Variants in PCBP3 observed in about 807,000 individuals in gnomAD.
PCBP3 encodes the protein poly(rC)-binding protein 3.
Under a neutral mutation model 52.7 loss-of-function variants are expected in PCBP3, and 25 were observed. The observed-to-expected ratio is 0.47, with a 90% CI of 0.35 to 0.66. PCBP3 has a LOEUF of 0.66. PCBP3 is among the 30% of genes least tolerant of loss of function. The pLI, the probability that PCBP3 is intolerant of heterozygous loss-of-function variation, is 0.01. For missense variants in PCBP3, 391 were observed against 490.3 expected, an observed-to-expected ratio of 0.80 and a Z score of 1.91; for synonymous variants, 162 against 183.0, an observed-to-expected ratio of 0.89 and a Z score of 0.93.
At chr21:45,909,073 C>T (rs896662745) in intron 9 of PCBP3, among the ~76,000 whole-genome samples, 1 of 152,100 alleles carries the variant, frequency 6.6e-6, no homozygotes, top group East Asian at 1.9e-4. Context: ...GTCCACACCC[C>T]CTTCCCACCA....
chr21:45,787,517 A>C (rs939336347), intron 4 of PCBP3, among the ~76,000 whole-genome samples: 10 of 151,704 alleles, frequency 6.6e-5, no homozygotes, highest in African/African-American at 2.4e-4. Flanking sequence ...CTGGCCCCCC[A>C]CAGTGCTGGG....
intron 2 of PCBP3, among the ~76,000 whole-genome samples, chr21:45,693,923 T>C (rs528723928): frequency 7.9e-4 from 121 of 152,252 alleles, no homozygotes; most frequent in African/African-American, 2.7e-3. Context: ...TAATGTCATA[T>C]TGAATCTATA....
intron 2 of PCBP3, among the ~76,000 whole-genome samples, chr21:45,712,369 G>A (rs1052975296): frequency 1.3e-5 from 2 of 152,182 alleles, no homozygotes; most frequent in African/African-American, 2.4e-5. Flanking sequence ...TCCACCAGCC[G>A]TGAATGAGAT....
At chr21:45,711,305 T>C (rs2083820487) in intron 2 of PCBP3, among the ~76,000 whole-genome samples, 1 of 152,224 alleles carries the variant, frequency 6.6e-6, no homozygotes, top group South Asian at 2.1e-4. Flanking sequence ...CATCTGTATC[T>C]TTCTTGAGCT....
At chr21:45,795,968 A>T (rs1472707477) in intron 4 of PCBP3, among the ~76,000 whole-genome samples, 1 of 152,230 alleles carries the variant, frequency 6.6e-6, no homozygotes, top group Non-Finnish European at 1.5e-5. Flanking sequence ...CTAAGTGAAC[A>T]GTTTTCTACA....
chr21:45,738,679 G>A (rs1402023269), intron 3 of PCBP3, among the ~76,000 whole-genome samples: 3 of 152,174 alleles, frequency 2.0e-5, no homozygotes, highest in Admixed American at 6.5e-5. Context: ...TCAGGGGATT[G>A]TCCTCACCCC....
At chr21:45,847,530 T>C (rs2093842045) in intron 4 of PCBP3, among the ~76,000 whole-genome samples, 1 of 152,238 alleles carries the variant, frequency 6.6e-6, no homozygotes, top group African/African-American at 2.4e-5. Flanking sequence ...CAGTGTTCAT[T>C]GAGTTCTTAG....
At chr21:45,867,788 C>T (rs983248417) in intron 5 of PCBP3, among the ~76,000 whole-genome samples, 4 of 152,284 alleles carry the variant, frequency 2.6e-5, no homozygotes, top group Non-Finnish European at 5.9e-5. Flanking sequence ...GTCTTCCTTC[C>T]TCAGCCCCAC....
At chr21:45,662,553 A>G (rs763477114) in intron 1 of PCBP3, among the ~76,000 whole-genome samples, 15 of 151,978 alleles carry the variant, frequency 9.9e-5, no homozygotes, top group South Asian at 4.1e-4. Flanking sequence ...CAGTATAATA[A>G]AATATATAAA....
chr21:45,832,506 T>G (rs2093476393), intron 4 of PCBP3: 1 of 152,164 alleles, frequency 6.6e-6, no homozygotes, highest in African/African-American at 2.4e-5. Context: ...TGTCAGAACT[T>G]CAGCTTTGGG....
intron 4 of PCBP3, among the ~76,000 whole-genome samples, chr21:45,820,051 G>A (rs185211950): frequency 4.6e-5 from 7 of 152,348 alleles, no homozygotes; most frequent in South Asian, 2.1e-4. Flanking sequence ...GGACTGTTGC[G>A]GGTCTTCCCT....
intron 4 of PCBP3, among the ~76,000 whole-genome samples, chr21:45,803,522 G>A (rs2092384812): frequency 6.6e-6 from 1 of 152,148 alleles, no homozygotes; most frequent in South Asian, 2.1e-4. Context: ...GAATCCTGCA[G>A]TCTGTTGTTA....
chr21:45,853,461 A>G lies in PCBP3; in HGVS notation c.10+3366A>G, dbSNP rs547597665. On this transcript the variant is annotated intron_variant, in intron 5 of 17. Transcript: ENST00000681687. The surrounding 1 kb of genome is among the most constrained non-coding windows in gnomAD (Gnocchi z 4.6). ...AGCAGTGAGAGCAGAGATTTACTGA[A>G]AATGAGAGCACAGTCCACAGGGTGG... Among the ~76,000 whole-genome samples the G allele has an allele frequency of 6.6e-6, 1 of 152,362 alleles. No individual in the cohort carries two copies. The highest frequency in any genetic ancestry group is 2.1e-4 in the South Asian group (1 of 4,826).
At chr21:45,847,158 A>T (rs1386383802) in intron 4 of PCBP3, among the ~76,000 whole-genome samples, 2 of 151,776 alleles carry the variant, frequency 1.3e-5, no homozygotes, top group South Asian at 2.1e-4. Flanking sequence ...TCTGCTGGCT[A>T]CTGTTATAAA....
chr21:45,896,609 G>A (rs1441322040), intron 6 of PCBP3, among the ~76,000 whole-genome samples: 1 of 148,260 alleles, frequency 6.7e-6, no homozygotes, highest in African/African-American at 2.5e-5. Flanking sequence ...CGCACTGCCC[G>A]GGCCATTGTC....
At chr21:45,909,874 G>T (rs1221572807) in intron 10 of PCBP3, among the ~76,000 whole-genome samples, 1 of 75,662 alleles carries the variant, frequency 1.3e-5, no homozygotes, top group Non-Finnish European at 2.4e-5. Flanking sequence ...CCCAGATACG[G>T]ACCCGGCCAC....
chr21:45,731,233 A>G (rs954268076), intron 2 of PCBP3, among the ~76,000 whole-genome samples: 8 of 152,204 alleles, frequency 5.3e-5, no homozygotes, highest in African/African-American at 1.9e-4. Context: ...AATGAGCTCA[A>G]CCAAGGAGGA....
intron 3 of PCBP3, among the ~76,000 whole-genome samples, 173 bp from the exon 4 acceptor site, chr21:45,755,244 G>T (rs1569185916): frequency 6.6e-6 from 1 of 152,176 alleles, no homozygotes; most frequent in African/African-American, 2.4e-5. Flanking sequence ...TGATACTTCT[G>T]AGATGCATTC....
At chr21:45,661,790 A>G (rs1331049103) in intron 1 of PCBP3, among the ~76,000 whole-genome samples, 1 of 152,162 alleles carries the variant, frequency 6.6e-6, no homozygotes, top group Non-Finnish European at 1.5e-5. Context: ...TTCTCTGCAT[A>G]CTTGCCAACA....
Sources: allele counts gnomAD v4.1 joint callset (sites outside exome capture counted in the v4.1 genomes callset), GRCh38; gene constraint gnomAD v4.1.1; non-coding constraint Gnocchi (gnomAD v3.1); transcripts MANE v1.5; gene names NCBI Gene and HGNC (gene_info 2026-07-23, HGNC 2026-07-21).